The following DUSP10 variants were observed in gnomAD, a reference collection of about 807,000 sequenced individuals.
The protein encoded by DUSP10 is dual specificity protein phosphatase 10.
DUSP10 carries 14 observed loss-of-function variants against 30.8 expected under a neutral mutation model. The observed-to-expected ratio is 0.46, with a 90% CI of 0.30 to 0.71. DUSP10 has a LOEUF of 0.71. Among genes scored for constraint, DUSP10 ranks in the 30% least tolerant of loss-of-function variants. The probability of loss-of-function intolerance (pLI) is 0.08; values close to 1 mark genes in which losing one functional copy is unlikely to be tolerated. For synonymous variants in DUSP10, 254 were observed against 250.4 expected (o/e 1.01, Z -0.14); for missense variants, 550 against 619.4 (o/e 0.89, Z 1.19).
intron 2 of DUSP10, among the ~76,000 whole-genome samples, chr1:221,728,956 T>C (rs1661500821): frequency 6.6e-6 from 1 of 152,128 alleles, no homozygotes; most frequent in African/African-American, 2.4e-5. Flanking sequence ...AAAAGCAAAC[T>C]GAGCAGAAGT....
At chr1:221,720,563 G>A (rs1188564440) in intron 2 of DUSP10, among the ~76,000 whole-genome samples, 3 of 152,134 alleles carry the variant, frequency 2.0e-5, no homozygotes, top group Non-Finnish European at 4.4e-5. Context: ...GGAAGGTGGG[G>A]TAATCTTGTA....
Position 221,739,566 on chromosome 1 carries a change from T to G in DUSP10, c.179A>C (p.Tyr60Ser), listed in dbSNP as rs753334297. The G allele has an allele frequency of 6.2e-7, 1 of 1,614,168 alleles. No homozygotes were observed. Among genetic ancestry groups the G allele is most frequent in the South Asian group, 1.1e-5 (1 of 91,090 alleles). Reference protein sequence around the residue: ...VVSLKAANLTYMPSSSGSARS... With the variant: ...VVSLKAANLTSMPSSSGSARS... Reference sequence around the variant, plus strand: ...GGCAGAGCCGCTGGATGAGGGCATATACGTCAGATTCGCAGCCTTGAGGGA... The same window carrying G: ...GGCAGAGCCGCTGGATGAGGGCATAGACGTCAGATTCGCAGCCTTGAGGGA... The change falls in exon 2 of 4, where the codon TAT (tyrosine) becomes TCT (serine). Residue 60 changes from tyrosine to serine, a missense_variant. Tyr to Ser is a moderately radical substitution (Grantham distance 144). Coordinates refer to ENST00000366899, the MANE Select transcript of DUSP10 (RefSeq NM_007207.6).
chr1:221,737,275 C>T (rs748555007), intron 2 of DUSP10: 9 of 985,260 alleles, frequency 9.1e-6, no homozygotes, highest in Middle Eastern at 5.2e-4. Context: ...ACCTGCTCTG[C>T]GTGAGAAAAG....
At chr1:221,725,454 C>A (rs1280346741) in intron 2 of DUSP10, among the ~76,000 whole-genome samples, 3 of 152,192 alleles carry the variant, frequency 2.0e-5, no homozygotes, top group Non-Finnish European at 1.5e-5. Context: ...TTTCTATTCA[C>A]TGGAGCAGAA....
At chr1:221,708,635 G>A (rs1438108554) in intron 2 of DUSP10, among the ~76,000 whole-genome samples, 1 of 152,172 alleles carries the variant, frequency 6.6e-6, no homozygotes, top group African/African-American at 2.4e-5. Context: ...AATAAAGTTT[G>A]AACCTGAAGA....
intron 2 of DUSP10, among the ~76,000 whole-genome samples, chr1:221,722,934 G>GA (rs2102636127): frequency 6.6e-6 from 1 of 152,294 alleles, no homozygotes; most frequent in South Asian, 2.1e-4. Flanking sequence ...TAAATACCTT[G>GA]TTTATGAAAT....
At chr1:221,716,709 C>T (rs1447403328) in intron 2 of DUSP10, among the ~76,000 whole-genome samples, 2 of 152,158 alleles carry the variant, frequency 1.3e-5, no homozygotes, top group Non-Finnish European at 1.5e-5. Context: ...GGTCAGGGGC[C>T]GACAGAAAGA....
At chr1:221,727,034 A>G (rs1395023677) in intron 2 of DUSP10, among the ~76,000 whole-genome samples, 1 of 152,126 alleles carries the variant, frequency 6.6e-6, no homozygotes, top group Non-Finnish European at 1.5e-5. Context: ...AAGAGCCATT[A>G]CCCTCCCCAT....
At chr1:221,725,963 G>A (rs753926998) in intron 2 of DUSP10, among the ~76,000 whole-genome samples, 5 of 152,186 alleles carry the variant, frequency 3.3e-5, no homozygotes, top group South Asian at 2.1e-4. Flanking sequence ...TTTTAATAGC[G>A]CTGAGTGGTG....
In DUSP10 at chr1:221,702,246, T is replaced by C. The variant is rs1292930326; in HGVS notation, c.*166A>G. On this transcript the variant is annotated 3_prime_UTR_variant, in exon 4 of 4. Coordinates refer to ENST00000366899, the MANE Select transcript of DUSP10 (RefSeq NM_007207.6). This position sits in a 1 kb window ranked among gnomAD's most constrained non-coding sequence, Gnocchi z 4.5. ...TGAATCTCAATGGCATCAAAAGTTA[T>C]AGTCTTCTTACACTTGTTAAAAATA... 4 of 746,450 alleles carry C rather than the reference T, an allele frequency of 5.4e-6. No homozygotes were observed. The highest frequency in any genetic ancestry group is 2.0e-5 in the South Asian group (1 of 48,920). The allele number at this position is 746,450 out of a possible 1,614,324, so 46.2% of individuals were successfully genotyped here.
chr1:221,706,487 G>T lies in DUSP10; in HGVS notation c.812-21C>A. The T allele has an allele frequency of 1.4e-6, 2 of 1,459,160 alleles. No homozygotes were observed. The highest frequency in any genetic ancestry group is 1.8e-6 in the Non-Finnish European group (2 of 1,101,144). The allele number at this position is 1,459,160 out of a possible 1,614,324, so 90.4% of individuals were successfully genotyped here. A position where few individuals can be genotyped will look rare whatever the true frequency, so the allele number is the denominator to read the frequency against. ...TCCACCTAGAACACAAACACAGAAG[G>T]TGAGTGTGACTGAGATTTCAGAGCT... On this transcript the variant is annotated intron_variant, in intron 2 of 3. Transcript: ENST00000366899. The surrounding 1 kb of genome is among the most constrained non-coding windows in gnomAD (Gnocchi z 4.6).
intron 2 of DUSP10, among the ~76,000 whole-genome samples, chr1:221,720,991 G>A (rs1434462051): frequency 6.6e-6 from 1 of 152,152 alleles, no homozygotes; most frequent in African/African-American, 2.4e-5. Context: ...GAGTGTAATG[G>A]TTTGGTGCAC....
chr1:221,740,272 G>C (rs1233629045), intron 1 of DUSP10, among the ~76,000 whole-genome samples: 1 of 152,198 alleles, frequency 6.6e-6, no homozygotes, highest in Non-Finnish European at 1.5e-5. Flanking sequence ...GCACTGGCAT[G>C]GTTCACAGAA....
At chr1:221,735,393 C>T (rs1425790179) in intron 2 of DUSP10, among the ~76,000 whole-genome samples, 2 of 152,062 alleles carry the variant, frequency 1.3e-5, no homozygotes, top group African/African-American at 4.8e-5. Context: ...CAGAGGGATT[C>T]GAAGTTGAAA....
intron 2 of DUSP10, among the ~76,000 whole-genome samples, chr1:221,713,473 T>C (rs778936132): frequency 2.2e-4 from 34 of 152,218 alleles, no homozygotes; most frequent in Admixed American, 2.2e-3. Context: ...TCTAAAAATA[T>C]ATGCATACTT....
At chr1:221,732,114 T>C (rs1395156191) in intron 2 of DUSP10, among the ~76,000 whole-genome samples, 4 of 152,208 alleles carry the variant, frequency 2.6e-5, no homozygotes, top group Non-Finnish European at 4.4e-5. Flanking sequence ...ATTTGAATGA[T>C]AAGCATTGTG....
intron 1 of DUSP10, among the ~76,000 whole-genome samples, chr1:221,740,926 T>G (rs1472357404): frequency 6.6e-6 from 1 of 152,106 alleles, no homozygotes; most frequent in Non-Finnish European, 1.5e-5. Context: ...GACATGCACA[T>G]AGCAAAGACG....
intron 2 of DUSP10, among the ~76,000 whole-genome samples, chr1:221,710,555 TAAAG>T (rs1418238695): frequency 2.6e-5 from 4 of 152,082 alleles, no homozygotes; most frequent in African/African-American, 7.2e-5. Context: ...CTGCTTAATA[TAAAG>T]ACTCTATATA....
In DUSP10 at chr1:221,706,365, T is replaced by G; in HGVS notation, c.913A>C (p.Ser305Arg). The G allele has an allele frequency of 6.2e-7, 1 of 1,600,536 alleles. No individual in the cohort carries two copies. Among genetic ancestry groups the G allele is most frequent in the Admixed American group, 1.7e-5 (1 of 59,282 alleles). ...EVGGGASAAS[S>R]LLPQPIPTTP... The stretch of plus-strand genomic sequence containing the variant: ...GTGGGGATGGGCTGAGGTAGCAAGC[T>G]CGAGGCCGCGGATGCGCCGCCCCCC... Residue 305 changes from serine to arginine, a missense_variant, in exon 3 of 4, where the codon AGC becomes CGC. Transcript: ENST00000366899. This position sits in a 1 kb window ranked among gnomAD's most constrained non-coding sequence, Gnocchi z 4.6.
Sources: gnomAD v4.1 joint callset for allele counts (sites outside exome capture counted in the v4.1 genomes callset) on GRCh38, gnomAD v4.1.1 for gene constraint, Gnocchi (gnomAD v3.1) non-coding constraint, MANE v1.5 for transcripts, NCBI Gene and HGNC (gene_info 2026-07-23, HGNC 2026-07-21) for gene names.